The following SENP7 variants were observed in gnomAD, a reference collection of about 807,000 sequenced individuals.
The protein encoded by SENP7 is sentrin-specific protease 7.
In SENP7, 64 loss-of-function variants were observed where a neutral mutation model predicts 141.2. The ratio of observed to expected loss-of-function variants is 0.45; its 90% CI spans 0.37 to 0.56. The LOEUF is 0.56. Among genes scored for constraint, SENP7 ranks in the 20% least tolerant of loss-of-function variants. SENP7 has a pLI of 0.00. For missense variants in SENP7, 1,025 were observed against 1,212.2 expected, an observed-to-expected ratio of 0.85 and a Z score of 2.29; for synonymous variants, 382 against 426.4, an observed-to-expected ratio of 0.90 and a Z score of 1.28.
At chr3:101,387,666 G>C (rs1272209813) in intron 6 of SENP7, among the ~76,000 whole-genome samples, 1 of 152,202 alleles carries the variant, frequency 6.6e-6, no homozygotes, top group Non-Finnish European at 1.5e-5. Context: ...CACTGCCTGT[G>C]CACTCCATCA....
intron 3 of SENP7, among the ~76,000 whole-genome samples, chr3:101,473,491 T>C (rs1042014862): frequency 1.3e-5 from 2 of 152,226 alleles, no homozygotes; most frequent in Non-Finnish European, 2.9e-5. Context: ...ATTAGTGATG[T>C]TGAGCTTTCT....
At chr3:101,463,957 T>C (rs780175855) in intron 3 of SENP7, among the ~76,000 whole-genome samples, 9 of 152,126 alleles carry the variant, frequency 5.9e-5, no homozygotes, top group Non-Finnish European at 1.2e-4. Context: ...CCCAAGTAGT[T>C]GGGATTACAG....
rs201680273 is a variant in SENP7, at chr3:101,337,607, T to G, written c.2382A>C (p.Ser794=). ...TGTGACTTCGTTCAACAAGTTCATC[T>G]GATGCCTTCTCCAATATAAGATACC... is the stretch of plus-strand genomic sequence containing the variant. ...YLKYLILEKA[S]DELVERSHIF... The change falls in exon 17 of 24, where the codon TCA becomes TCC. Residue 794 remains serine, a synonymous_variant. Transcript: ENST00000394095. 23 of 1,605,426 alleles carry G rather than the reference T, an allele frequency of 1.4e-5. No homozygotes were observed. The highest frequency in any genetic ancestry group is 1.7e-4 in the Middle Eastern group (1 of 6,030).
rs578129280 is a variant in SENP7, at chr3:101,487,587, G to T, written c.186+6286C>A. Among the ~76,000 whole-genome samples the T allele has an allele frequency of 2.6e-5, 4 of 152,266 alleles. No homozygotes were observed. In the East Asian group the frequency reaches 7.7e-4, roughly 29 times the overall value. ...AGGTATTTTTCCTAAGATTTTTATA[G>T]TTTGAGGTTTTACATTTAAATCTTT... On this transcript the variant is annotated intron_variant, in intron 3 of 23. Transcript: ENST00000394095.
At chr3:101,348,121 G>A in intron 12 of SENP7, 70 bp from the exon 13 acceptor site, 2 of 986,702 alleles carry the variant, frequency 2.0e-6, no homozygotes, top group East Asian at 2.6e-5. Flanking sequence ...AACATTATAT[G>A]ACACTTGTTA....
chr3:101,497,210 A>C (rs1402404456), intron 2 of SENP7, among the ~76,000 whole-genome samples: 1 of 152,172 alleles, frequency 6.6e-6, no homozygotes, highest in Non-Finnish European at 1.5e-5. Context: ...TTTTTTATAG[A>C]TATATAGATA....
At chr3:101,481,089 A>C (rs1230193336) in intron 3 of SENP7, among the ~76,000 whole-genome samples, 1 of 151,888 alleles carries the variant, frequency 6.6e-6, no homozygotes, top group Non-Finnish European at 1.5e-5. Context: ...AAAAAAAAAA[A>C]AACTAAAAAT....
intron 4 of SENP7, among the ~76,000 whole-genome samples, chr3:101,441,229 C>A (rs902308708): frequency 2.6e-5 from 4 of 152,140 alleles, no homozygotes; most frequent in Middle Eastern, 3.2e-3. Flanking sequence ...ACTGGCCAGG[C>A]CCACTCATTG....
chr3:101,457,723 C>A, intron 4 of SENP7: 2 of 971,820 alleles, frequency 2.1e-6, no homozygotes, highest in Non-Finnish European at 3.2e-6. Flanking sequence ...ATGATTGTTT[C>A]TTTCATCCTA....
In SENP7 at chr3:101,340,397, T is replaced by A. The variant is rs60329143; in HGVS notation, c.2241-186A>T. ...TATCCTCACAAGCTACTAATGGTAC[T>A]CCGATTGAGTATTATCTTTTCTTTT... On this transcript the variant is annotated intron_variant, in intron 15 of 23. Transcript: ENST00000394095. 1,202 of 648,422 alleles carry A rather than the reference T, an allele frequency of 1.9e-3. 11 individuals carry two copies. The African/African-American group carries it at 0.022, about 12-fold the overall frequency. 40.2% of individuals were successfully genotyped at this position (648,422 alleles called of 1,614,324 possible). A position where few individuals can be genotyped will look rare whatever the true frequency, so the allele number is the denominator to read the frequency against.
rs2058996298 is a variant in SENP7 at position 101,329,704 on chromosome 3, C to T, written c.2751+630G>A. ...TCTAATCTCAGCACTTTGGGAGGCC[C>T]AGGCAGGCAGATCACCTGAGGTGAG... On this transcript the variant is annotated intron_variant, in intron 20 of 23. Coordinates refer to ENST00000394095, the MANE Select transcript of SENP7 (RefSeq NM_020654.5). Among the ~76,000 whole-genome samples, 4 of 149,650 alleles carry T rather than the reference C, an allele frequency of 2.7e-5. No individual in the cohort carries two copies. The South Asian group carries it at 8.4e-4, about 31-fold the overall frequency.
chr3:101,484,585 A>G (rs1010698152), intron 3 of SENP7, among the ~76,000 whole-genome samples: 1 of 151,838 alleles, frequency 6.6e-6, no homozygotes, highest in African/African-American at 2.4e-5. Context: ...GGAAAGGGAG[A>G]CCTCCCTCTC....
At chr3:101,386,134 T>C (rs1396110830) in intron 6 of SENP7, among the ~76,000 whole-genome samples, 2 of 152,138 alleles carry the variant, frequency 1.3e-5, no homozygotes, top group Non-Finnish European at 2.9e-5. Flanking sequence ...AGCTGTTAGA[T>C]AACCACCTAT....
intron 11 of SENP7, among the ~76,000 whole-genome samples, 183 bp from the exon 12 acceptor site, chr3:101,351,834 C>T (rs935028627): frequency 6.6e-6 from 1 of 151,436 alleles, no homozygotes; most frequent in Non-Finnish European, 1.5e-5. Context: ...TTTTAAGAAC[C>T]CCATGTAAGT....
chr3:101,379,830 C>A (rs1409303028), intron 6 of SENP7, among the ~76,000 whole-genome samples: 1 of 152,092 alleles, frequency 6.6e-6, no homozygotes, highest in Non-Finnish European at 1.5e-5. Flanking sequence ...TGGATATATA[C>A]CCAAAAGAAC....
In SENP7 at chr3:101,372,132, A is replaced by G; in HGVS notation, c.678-6T>C. On this transcript the variant is annotated splice_region_variant and splice_polypyrimidine_tract_variant and intron_variant, in intron 6 of 23. Transcript: ENST00000394095. ...TCTTACTTCGTTGTGAGCCCCTGCA[A>G]AAGAGAACTGTATTATACTCAATTC... The G allele has an allele frequency of 1.4e-6, 2 of 1,476,980 alleles. No homozygotes were observed. The highest frequency in any genetic ancestry group is 1.3e-5 in the South Asian group (1 of 76,576). 91.5% of individuals were successfully genotyped at this position (1,476,980 alleles called of 1,614,324 possible).
chr3:101,438,500 T>C (rs1473889433), intron 4 of SENP7, among the ~76,000 whole-genome samples: 1 of 152,164 alleles, frequency 6.6e-6, no homozygotes, highest in Non-Finnish European at 1.5e-5. Context: ...ATGATGGTGT[T>C]GGCTGCACAT....
At chr3:101,475,891 A>G (rs1252728800) in intron 3 of SENP7, among the ~76,000 whole-genome samples, 1 of 152,152 alleles carries the variant, frequency 6.6e-6, no homozygotes, top group East Asian at 1.9e-4. Flanking sequence ...GATAAATCCC[A>G]ATACAATGAT....
intron 3 of SENP7, among the ~76,000 whole-genome samples, chr3:101,464,271 A>C (rs969663575): frequency 4.6e-5 from 7 of 152,184 alleles, no homozygotes; most frequent in African/African-American, 1.7e-4. Context: ...ACATGACCAA[A>C]TTTTAAAAAG....
Sources: gnomAD v4.1 joint callset for allele counts (sites outside exome capture counted in the v4.1 genomes callset) on GRCh38, gnomAD v4.1.1 for gene constraint, MANE v1.5 for transcripts, NCBI Gene and HGNC (gene_info 2026-07-23, HGNC 2026-07-21) for gene names.